Variants in NDST3 observed in about 807,000 individuals in gnomAD.
NDST3 encodes bifunctional heparan sulfate N-deacetylase/N-sulfotransferase 3.
Under a neutral mutation model 96.1 loss-of-function variants are expected in NDST3, and 58 were observed. The ratio of observed to expected loss-of-function variants is 0.60; its 90% confidence interval spans 0.49 to 0.75. The LOEUF (loss-of-function observed/expected upper bound fraction) is 0.75, where lower values mean the gene tolerates loss of function less well. Among genes scored for constraint, NDST3 ranks in the 30% least tolerant of loss-of-function variants. The pLI, the probability that NDST3 is intolerant of heterozygous loss-of-function variation, is 0.00. For synonymous variants in NDST3, 333 were observed against 359.7 expected, an observed-to-expected ratio of 0.93 and a Z score of 0.84; for missense variants, 788 against 1,034.2, an observed-to-expected ratio of 0.76 and a Z score of 3.27.
intron 6 of NDST3, among the ~76,000 whole-genome samples, chr4:118,180,614 G>C (rs1736549027): frequency 6.6e-6 from 1 of 152,098 alleles, no homozygotes; most frequent in Non-Finnish European, 1.5e-5. Context: ...ATTTAGCTTT[G>C]GTTTAATCTT....
chr4:118,201,533 T>C lies in NDST3; in HGVS notation c.1540-22958T>C, dbSNP rs558971974. Among the ~76,000 whole-genome samples, 4 of 152,302 alleles carry C rather than the reference T, an allele frequency of 2.6e-5. No homozygotes were observed. In the East Asian group the frequency reaches 7.7e-4, roughly 29 times the overall value. Reference sequence around the variant, plus strand: ...AGTTTGATTTGCATTTCTCTGATGATTAGTGATGCTGAGCATTTTTTCATG... The same window carrying C: ...AGTTTGATTTGCATTTCTCTGATGACTAGTGATGCTGAGCATTTTTTCATG... On this transcript the variant is annotated intron_variant, in intron 6 of 13. Coordinates refer to ENST00000296499, the MANE Select transcript of NDST3 (RefSeq NM_004784.3).
In NDST3 at chr4:118,126,437, G is replaced by A. The variant is rs11932087; in HGVS notation, c.1224+11477G>A. Reference sequence around the variant, plus strand: ...GACCTCCACTTCCATCTATATTGTTGCAGGTAACTGAATCCCATTCTTTTT... The same window carrying A: ...GACCTCCACTTCCATCTATATTGTTACAGGTAACTGAATCCCATTCTTTTT... On this transcript the variant is annotated intron_variant, in intron 4 of 13. Coordinates refer to ENST00000296499, the MANE Select transcript of NDST3 (RefSeq NM_004784.3). 4.7e-3 allele frequency among the ~76,000 whole-genome samples: 714 copies of A among 151,024 alleles called. 6 individuals are homozygous for A. The highest frequency in any genetic ancestry group is 0.017 in the African/African-American group (685 of 41,100).
At chr4:118,195,749 G>C (rs1362736378) in intron 6 of NDST3, among the ~76,000 whole-genome samples, 1 of 152,062 alleles carries the variant, frequency 6.6e-6, no homozygotes, top group African/African-American at 2.4e-5. Context: ...ATAGTTTTTT[G>C]GTGGCGTCTT....
At chr4:118,092,232 T>G (rs561532400) in intron 2 of NDST3, among the ~76,000 whole-genome samples, 7 of 151,038 alleles carry the variant, frequency 4.6e-5, no homozygotes, top group African/African-American at 1.7e-4. Context: ...ATTGTTTTTT[T>G]TTTTAGAACA....
chr4:118,041,095 T>C (rs1334258356), intron 1 of NDST3, among the ~76,000 whole-genome samples: 1 of 151,738 alleles, frequency 6.6e-6, no homozygotes, highest in Non-Finnish European at 1.5e-5. Flanking sequence ...GATATCATAG[T>C]AGCCCATTTT....
chr4:118,184,716 A>T (rs1736830383), intron 6 of NDST3, among the ~76,000 whole-genome samples: 1 of 151,898 alleles, frequency 6.6e-6, no homozygotes, highest in Non-Finnish European at 1.5e-5. Flanking sequence ...AACAATATGC[A>T]ATATTAAGTA....
At chr4:118,034,999 T>C (rs1724069072) in intron 1 of NDST3, among the ~76,000 whole-genome samples, 1 of 152,226 alleles carries the variant, frequency 6.6e-6, no homozygotes, top group Admixed American at 6.5e-5. Flanking sequence ...GCTTTCTATT[T>C]GATGCAGTTT....
intron 6 of NDST3, among the ~76,000 whole-genome samples, chr4:118,162,087 A>G (rs1735194863): frequency 6.6e-6 from 1 of 152,224 alleles, no homozygotes; most frequent in African/African-American, 2.4e-5. Flanking sequence ...ACCACTGCTC[A>G]GTGAAATAAA....
intron 3 of NDST3, among the ~76,000 whole-genome samples, chr4:118,109,235 T>C (rs1273980938): frequency 1.3e-5 from 2 of 152,134 alleles, no homozygotes; most frequent in African/African-American, 4.8e-5. Context: ...TTGACATCCA[T>C]TGAATAAAGG....
chr4:118,237,067 C>A lies in NDST3; in HGVS notation c.1965C>A (p.Val655=). The A allele has an allele frequency of 6.2e-7, 1 of 1,607,218 alleles. No homozygotes were observed. Among genetic ancestry groups the A allele is most frequent in the Non-Finnish European group, 8.5e-7 (1 of 1,176,422 alleles). The change falls in exon 10 of 14, where the codon GTC becomes GTA. Residue 655 remains valine (V), a synonymous_variant. Transcript: ENST00000296499. ...GIDWYMDFFP[V]PSNVTTDFLF... ...CTAGGTATATGGATTTCTTCCCAGTCCCATCTAATGTCACTACCGACTTTT... is the reference window on the plus strand; with the variant it reads ...CTAGGTATATGGATTTCTTCCCAGTACCATCTAATGTCACTACCGACTTTT...
At chr4:118,086,120 G>C (rs1430298544) in intron 2 of NDST3, among the ~76,000 whole-genome samples, 1 of 152,084 alleles carries the variant, frequency 6.6e-6, no homozygotes. Context: ...TGAAAATTAG[G>C]TGACTTTCTC....
At chr4:118,064,031 G>T (rs1300211820) in intron 2 of NDST3, among the ~76,000 whole-genome samples, 1 of 152,116 alleles carries the variant, frequency 6.6e-6, no homozygotes, top group Non-Finnish European at 1.5e-5. Flanking sequence ...GATAAGTCTG[G>T]AACAAAAATT....
At chr4:118,220,624 T>TAAAAAAAAA (rs1252527109) in intron 6 of NDST3, among the ~76,000 whole-genome samples, 1 of 151,886 alleles carries the variant, frequency 6.6e-6, no homozygotes, top group Non-Finnish European at 1.5e-5. Context: ...ATTAAAAAAA[T>TAAAAAAAAA]AAAATAAACA....
intron 6 of NDST3, among the ~76,000 whole-genome samples, chr4:118,183,809 G>A (rs753041582): frequency 5.3e-5 from 8 of 152,172 alleles, no homozygotes; most frequent in Non-Finnish European, 1.2e-4. Flanking sequence ...CCTCTTAATC[G>A]TAAATTGGCT....
intron 6 of NDST3, among the ~76,000 whole-genome samples, chr4:118,173,012 T>C (rs1736049721): frequency 6.6e-6 from 1 of 151,892 alleles, no homozygotes. Flanking sequence ...AGGAAATAAA[T>C]AAGAAAGTCC....
intron 6 of NDST3, among the ~76,000 whole-genome samples, chr4:118,164,141 C>T (rs997339824): frequency 6.6e-6 from 1 of 152,172 alleles, no homozygotes; most frequent in Admixed American, 6.6e-5. Context: ...TACATATACA[C>T]CATGGAATAC....
At chr4:118,148,159 G>A (rs1317813909) in intron 6 of NDST3, among the ~76,000 whole-genome samples, 8 of 152,244 alleles carry the variant, frequency 5.3e-5, no homozygotes, top group Middle Eastern at 6.8e-3. Context: ...TTAGCCAGGC[G>A]TGGTGGCAGG....
intron 2 of NDST3, among the ~76,000 whole-genome samples, chr4:118,070,673 G>C (rs1251912490): frequency 2.1e-5 from 3 of 142,940 alleles, no homozygotes; most frequent in Non-Finnish European, 1.5e-5. Context: ...TACACTTTAA[G>C]TTCTAGGGTA....
intron 4 of NDST3, among the ~76,000 whole-genome samples, chr4:118,121,861 A>G (rs2125874999): frequency 6.6e-6 from 1 of 152,296 alleles, no homozygotes; most frequent in South Asian, 2.1e-4. Context: ...TGCAAAATGT[A>G]TTCTCATTTG....
Sources: gnomAD v4.1 joint callset for allele counts (sites outside exome capture counted in the v4.1 genomes callset) on GRCh38, gnomAD v4.1.1 for gene constraint, MANE v1.5 for transcripts, NCBI Gene and HGNC (gene_info 2026-07-23, HGNC 2026-07-21) for gene names.